Variants in PTGER4 observed in about 807,000 individuals in gnomAD.
PTGER4 encodes the protein prostaglandin E2 receptor EP4 subtype.
Under a neutral mutation model 33.2 loss-of-function variants are expected in PTGER4, and 11 were observed. The observed-to-expected ratio is 0.33, with a 90% CI of 0.21 to 0.55. The LOEUF (loss-of-function observed/expected upper bound fraction) is 0.55, where lower values mean the gene tolerates loss of function less well. PTGER4 is among the 20% of genes least tolerant of loss of function. The pLI, the probability that PTGER4 is intolerant of heterozygous loss-of-function variation, is 0.92. For missense variants in PTGER4, 481 were observed against 650.2 expected, an observed-to-expected ratio of 0.74 and a Z score of 2.83; for synonymous variants, 275 against 281.5, an observed-to-expected ratio of 0.98 and a Z score of 0.23.
the PTGER4 span, among the ~76,000 whole-genome samples, chr5:40,735,432 T>C: frequency 5.3e-5 from 8 of 152,118 alleles, no homozygotes; most frequent in African/African-American, 1.7e-4. Flanking sequence ...TTGGCTCAAC[T>C]TGGACTTGGT....
At position 40,680,484 on chromosome 5, in the gene PTGER4, A is replaced by G. The variant is rs1741155756; in HGVS notation, c.-44+6A>G. On this transcript the variant is annotated splice_donor_region_variant and intron_variant, in intron 1 of 2. Coordinates refer to ENST00000302472, the MANE Select transcript of PTGER4 (RefSeq NM_000958.3). This position sits in a 1 kb window ranked among gnomAD's most constrained non-coding sequence, Gnocchi z 5.5. ...CACCGCTGCTGCCGCTACAGGTGAG[A>G]TGGCGTTGGGCTGACGTTGGGGTCA... 6.4e-6 allele frequency: 1 copy of G among 156,966 alleles called. No individual in the cohort carries two copies. Among genetic ancestry groups the G allele is most frequent in the South Asian group, 1.8e-4 (1 of 5,448 alleles). The allele number at this position is 156,966 out of a possible 1,614,324, so 9.7% of individuals were successfully genotyped here.
At chr5:40,709,006 TA>T in the PTGER4 span, among the ~76,000 whole-genome samples, 2 of 152,140 alleles carry the variant, frequency 1.3e-5, no homozygotes, top group African/African-American at 4.8e-5. Flanking sequence ...AAACTCTCAA[TA>T]AATTAGGTAT....
chr5:40,742,335 ATAAC>A, the PTGER4 span, among the ~76,000 whole-genome samples: 1 of 152,132 alleles, frequency 6.6e-6, no homozygotes, highest in Non-Finnish European at 1.5e-5. Context: ...AATAATAATA[ATAAC>A]TAATATTTAT....
At chr5:40,704,197 A>C in the PTGER4 span, among the ~76,000 whole-genome samples, 5 of 152,342 alleles carry the variant, frequency 3.3e-5, no homozygotes, top group East Asian at 3.9e-4. Flanking sequence ...GAAAATCAAT[A>C]AACGTGATTC....
the PTGER4 span, among the ~76,000 whole-genome samples, chr5:40,700,623 A>T: frequency 2.2e-3 from 332 of 152,252 alleles, 2 homozygotes; most frequent in Non-Finnish European, 3.5e-3. Flanking sequence ...AGTCAAGCAA[A>T]TGACCTTTGG....
In PTGER4 at chr5:40,680,811, G is replaced by A; in HGVS notation, c.-43-140G>A. The A allele has an allele frequency of 4.0e-6, 3 of 754,862 alleles. No individual in the cohort carries two copies. The highest frequency in any genetic ancestry group is 6.4e-6 in the Non-Finnish European group (3 of 469,290). The allele number at this position is 754,862 out of a possible 1,614,324, so 46.8% of individuals were successfully genotyped here. On this transcript the variant is annotated intron_variant, in intron 1 of 2. Transcript: ENST00000302472. The surrounding 1 kb of genome is among the most constrained non-coding windows in gnomAD (Gnocchi z 5.5). The stretch of plus-strand genomic sequence containing the variant: ...CTGGAGATTTTGGTGGCCGCAGTTG[G>A]TAAGTGGCTACAATCCAGAAAGTAG...
the PTGER4 span, chr5:40,730,256 T>TA: frequency 1.3e-6 from 2 of 1,592,382 alleles, no homozygotes; most frequent in Non-Finnish European, 1.7e-6. Context: ...TCTTCATAAT[T>TA]ATTACCTGTG....
chr5:40,687,814 T>A (rs1296111503), intron 2 of PTGER4, among the ~76,000 whole-genome samples: 1 of 152,164 alleles, frequency 6.6e-6, no homozygotes, highest in Non-Finnish European at 1.5e-5. Flanking sequence ...GAAAAGACAT[T>A]GAATGACCAG....
At chr5:40,686,638 C>T (rs1741329661) in intron 2 of PTGER4, among the ~76,000 whole-genome samples, 1 of 152,174 alleles carries the variant, frequency 6.6e-6, no homozygotes, top group Non-Finnish European at 1.5e-5. Flanking sequence ...TTCTTGTCAC[C>T]ACATCTTCTT....
the PTGER4 span, among the ~76,000 whole-genome samples, chr5:40,741,845 C>G: frequency 2.0e-5 from 3 of 151,968 alleles, no homozygotes; most frequent in Non-Finnish European, 4.4e-5. Context: ...AAAAATTAGC[C>G]AGGCGTGGTG....
chr5:40,712,633 A>AG, the PTGER4 span, among the ~76,000 whole-genome samples: 2 of 152,208 alleles, frequency 1.3e-5, no homozygotes, highest in African/African-American at 4.8e-5. Context: ...TTCACAATGT[A>AG]GCTGGCAAGA....
the PTGER4 span, chr5:40,728,358 C>T: frequency 5.0e-6 from 8 of 1,607,482 alleles, no homozygotes; most frequent in Non-Finnish European, 6.8e-6. Context: ...GATTATCTCT[C>T]CTAAACCAAG....
the PTGER4 span, among the ~76,000 whole-genome samples, chr5:40,739,807 T>C: frequency 6.6e-6 from 1 of 152,204 alleles, no homozygotes; most frequent in African/African-American, 2.4e-5. Context: ...GTATAGTGTA[T>C]ATTTATTGAT....
chr5:40,693,657 C>A lies in PTGER4; in HGVS notation c.*1279C>A. The A allele has an allele frequency of 1.0e-6, 1 of 982,172 alleles. No individual in the cohort carries two copies. Among genetic ancestry groups the A allele is most frequent in the Non-Finnish European group, 1.2e-6 (1 of 826,550 alleles). 60.8% of individuals were successfully genotyped at this position (982,172 alleles called of 1,614,324 possible). A position where few individuals can be genotyped will look rare whatever the true frequency, so the allele number is the denominator to read the frequency against. On this transcript the variant is annotated 3_prime_UTR_variant, in exon 3 of 3. Transcript: ENST00000302472. ...TGCTTGGTTGTAATTAAATTCTGAG[C>A]CTGATATTGATATGGTTTTAAGAAG...
chr5:40,699,839 T>TA, the PTGER4 span, among the ~76,000 whole-genome samples: 1 of 151,832 alleles, frequency 6.6e-6, no homozygotes, highest in Non-Finnish European at 1.5e-5. Flanking sequence ...TCAATTTAAT[T>TA]AAAAAAAAGT....
At chr5:40,707,225 A>G in the PTGER4 span, among the ~76,000 whole-genome samples, 1 of 152,252 alleles carries the variant, frequency 6.6e-6, no homozygotes, top group South Asian at 2.1e-4. Flanking sequence ...ATTAAAAGAC[A>G]CCGGACTGGC....
chr5:40,716,107 T>C, the PTGER4 span: 1 of 1,497,282 alleles, frequency 6.7e-7, no homozygotes, highest in Non-Finnish European at 9.0e-7. Flanking sequence ...CAAGAGGCAA[T>C]CAAAAAGACA....
the PTGER4 span, among the ~76,000 whole-genome samples, chr5:40,746,575 A>T: frequency 6.6e-6 from 1 of 152,194 alleles, no homozygotes. Context: ...CATAATTAGC[A>T]TCCTGAAAAC....
chr5:40,702,076 C>T, the PTGER4 span, among the ~76,000 whole-genome samples: 2 of 152,248 alleles, frequency 1.3e-5, no homozygotes, highest in African/African-American at 2.4e-5. Context: ...GGTACAAAAA[C>T]ACAAACACAG....
Sources: gnomAD v4.1 joint callset for allele counts (sites outside exome capture counted in the v4.1 genomes callset) on GRCh38, gnomAD v4.1.1 for gene constraint, Gnocchi (gnomAD v3.1) non-coding constraint, MANE v1.5 for transcripts, NCBI Gene and HGNC (gene_info 2026-07-23, HGNC 2026-07-21) for gene names.